The following UST variants were observed in gnomAD, a reference collection of about 807,000 sequenced individuals.
UST encodes the protein chondroitin sulfate 2-O-sulfotransferase.
A neutral mutation model predicts 45.6 loss-of-function variants in UST; 21 were observed. The observed-to-expected ratio is 0.46, with a 90% CI of 0.33 to 0.66. The LOEUF (loss-of-function observed/expected upper bound fraction) is 0.66. Among genes scored for constraint, UST ranks in the 30% least tolerant of loss-of-function variants. The pLI is 0.02. For synonymous variants in UST, 215 were observed against 200.6 expected (o/e 1.07, Z -0.61); for missense variants, 463 against 512.4 (o/e 0.90, Z 0.93).
intron 2 of UST, among the ~76,000 whole-genome samples, chr6:148,919,045 A>C (rs370468626): frequency 9.7e-4 from 148 of 152,196 alleles, no homozygotes; most frequent in Non-Finnish European, 1.4e-3. Context: ...TGTGATCTTT[A>C]CTATAGTACT....
At chr6:149,015,145 C>T (rs1186480837) in intron 5 of UST, among the ~76,000 whole-genome samples, 1 of 152,078 alleles carries the variant, frequency 6.6e-6, no homozygotes, top group Non-Finnish European at 1.5e-5. Flanking sequence ...ATGAGAGTCA[C>T]CCATCACCAT....
chr6:148,802,898 T>C (rs6570904), intron 1 of UST, among the ~76,000 whole-genome samples: 122,866 of 152,174 alleles, frequency 0.81, 50,105 homozygotes, highest in East Asian at 1. Context: ...TTTGATTCAA[T>C]ATCTCTGAGC....
intron 5 of UST, among the ~76,000 whole-genome samples, chr6:148,989,138 T>C (rs1781297227): frequency 1.3e-5 from 2 of 151,852 alleles, no homozygotes; most frequent in Admixed American, 6.6e-5. Context: ...TTGAGGCCTC[T>C]AGACTTCTGA....
chr6:148,809,603 T>C (rs967161097), intron 1 of UST, among the ~76,000 whole-genome samples: 1 of 152,238 alleles, frequency 6.6e-6, no homozygotes, highest in African/African-American at 2.4e-5. Flanking sequence ...ATTTGGAAAG[T>C]AGAAGCTAGG....
intron 6 of UST, 74 bp downstream of exon 6, chr6:149,019,310 G>A: frequency 8.7e-7 from 1 of 1,146,944 alleles, no homozygotes; most frequent in South Asian, 1.2e-5. Flanking sequence ...CTGGTACTCG[G>A]TGGGAATCTT....
At chr6:148,771,146 A>C (rs1455911969) in intron 1 of UST, among the ~76,000 whole-genome samples, 1 of 117,352 alleles carries the variant, frequency 8.5e-6, no homozygotes, top group Admixed American at 7.7e-5. Context: ...ATAGGATATA[A>C]CATATCTTAA....
intron 7 of UST, among the ~76,000 whole-genome samples, chr6:149,051,811 G>T (rs1318456909): frequency 1.3e-5 from 2 of 152,144 alleles, no homozygotes; most frequent in African/African-American, 2.4e-5. Flanking sequence ...CTGCAGTCAT[G>T]AATGATTTTT....
At chr6:149,034,198 G>A (rs962589892) in intron 7 of UST, among the ~76,000 whole-genome samples, 1 of 151,988 alleles carries the variant, frequency 6.6e-6, no homozygotes, top group Non-Finnish European at 1.5e-5. Flanking sequence ...TTCATTTCTT[G>A]CACAACTTAA....
chr6:149,051,306 C>T (rs992050531), intron 7 of UST, among the ~76,000 whole-genome samples: 11 of 152,226 alleles, frequency 7.2e-5, no homozygotes, highest in African/African-American at 2.7e-4. Context: ...CAGCCACACA[C>T]TGGTCATCCC....
intron 3 of UST, among the ~76,000 whole-genome samples, chr6:148,943,223 A>G (rs1436371779): frequency 6.6e-6 from 1 of 152,232 alleles, no homozygotes. Context: ...ACTTAAATAT[A>G]ATATCATCAT....
chr6:148,990,033 T>G (rs957521137), intron 5 of UST, among the ~76,000 whole-genome samples: 5 of 152,218 alleles, frequency 3.3e-5, no homozygotes, highest in African/African-American at 1.2e-4. Flanking sequence ...GGGAAGAAAG[T>G]TCAAAGACTT....
intron 7 of UST, among the ~76,000 whole-genome samples, chr6:149,067,109 C>T (rs1277624023): frequency 1.3e-5 from 2 of 152,102 alleles, no homozygotes; most frequent in Non-Finnish European, 2.9e-5. Flanking sequence ...AATGCTCAGA[C>T]AATGGAAGGT....
In UST at chr6:149,067,934, C is replaced by T. The variant is rs575524450; in HGVS notation, c.938-5899C>T. On this transcript the variant is annotated intron_variant, in intron 7 of 7. Transcript: ENST00000367463. ...GTTTAATCTAAATAAACCACCAGGACGCAGTTTTACCTCTCAGGTGGAACT... is the reference window on the plus strand; with the variant it reads ...GTTTAATCTAAATAAACCACCAGGATGCAGTTTTACCTCTCAGGTGGAACT... Among the ~76,000 whole-genome samples, 11 of 152,228 alleles carry T rather than the reference C, an allele frequency of 7.2e-5. No individual in the cohort carries two copies. In the South Asian group the frequency reaches 1.5e-3, roughly 20 times the overall value.
At chr6:149,066,514 A>C (rs1301025551) in intron 7 of UST, among the ~76,000 whole-genome samples, 9 of 152,128 alleles carry the variant, frequency 5.9e-5, no homozygotes, top group Non-Finnish European at 1.3e-4. Flanking sequence ...TGAAGCAAGA[A>C]TTGGATATTA....
chr6:148,824,810 C>T (rs538778702), intron 1 of UST, among the ~76,000 whole-genome samples: 80 of 144,446 alleles, frequency 5.5e-4, no homozygotes, highest in African/African-American at 2.0e-3. Context: ...GGTATATCTC[C>T]CAATGCTATC....
At chr6:148,782,797 G>A (rs149042790) in intron 1 of UST, among the ~76,000 whole-genome samples, 1 of 152,118 alleles carries the variant, frequency 6.6e-6, no homozygotes, top group African/African-American at 2.4e-5. Context: ...TTCTTGAGAT[G>A]GAATCTACTC....
At chr6:148,785,340 T>C (rs573646948) in intron 1 of UST, among the ~76,000 whole-genome samples, 2 of 152,336 alleles carry the variant, frequency 1.3e-5, no homozygotes, top group Non-Finnish European at 2.9e-5. Context: ...CTGATTTTAC[T>C]ACTCAATAGC....
Position 148,747,335 on chromosome 6 carries a change from C to A in UST, c.-96C>A. 7.5e-7 allele frequency: 1 copy of A among 1,340,332 alleles called. No individual in the cohort carries two copies. Among genetic ancestry groups the A allele is most frequent in the South Asian group, 1.9e-5 (1 of 51,878 alleles). 83.0% of individuals were successfully genotyped at this position (1,340,332 alleles called of 1,614,324 possible). A position where few individuals can be genotyped will look rare whatever the true frequency, so the allele number is the denominator to read the frequency against. The stretch of plus-strand genomic sequence containing the variant: ...ACCCGGCTGCCCTCCGCGCGGCCCT[C>A]CCCATGTGCAGCCGGCCAGCCGGGC... On this transcript the variant is annotated 5_prime_UTR_variant, in exon 1 of 8. Coordinates refer to ENST00000367463, the MANE Select transcript of UST (RefSeq NM_005715.3).
chr6:148,838,272 G>A (rs956848091), intron 1 of UST, among the ~76,000 whole-genome samples: 8 of 152,180 alleles, frequency 5.3e-5, no homozygotes, highest in Non-Finnish European at 8.8e-5. Context: ...AGGGCAGGGT[G>A]GACTCAAGGA....
Sources: gnomAD v4.1 joint callset for allele counts (sites outside exome capture counted in the v4.1 genomes callset) on GRCh38, gnomAD v4.1.1 for gene constraint, MANE v1.5 for transcripts, NCBI Gene and HGNC (gene_info 2026-07-23, HGNC 2026-07-21) for gene names.